Variants in TRAPPC9 observed in about 807,000 individuals in gnomAD.
The protein encoded by TRAPPC9 is IKK2 binding protein.
A neutral mutation model predicts 124.0 loss-of-function variants in TRAPPC9; 83 were observed. The ratio of observed to expected loss-of-function variants is 0.67; its 90% CI spans 0.56 to 0.80. The LOEUF (loss-of-function observed/expected upper bound fraction) is 0.80. Among genes scored for constraint, TRAPPC9 ranks in the 30% least tolerant of loss-of-function variants. The pLI, the probability that TRAPPC9 is intolerant of heterozygous loss-of-function variation, is 0.00. For synonymous variants in TRAPPC9, 638 were observed against 617.5 expected, an observed-to-expected ratio of 1.03 and a Z score of -0.49; for missense variants, 1,302 against 1,508.3, an observed-to-expected ratio of 0.86 and a Z score of 2.27.
At chr8:139,773,431 G>A (rs1007977676) in intron 21 of TRAPPC9, among the ~76,000 whole-genome samples, 6 of 152,244 alleles carry the variant, frequency 3.9e-5, no homozygotes, top group Admixed American at 3.9e-4. Context: ...ACGGCACTGG[G>A]TGGGGGAATC....
intron 21 of TRAPPC9, among the ~76,000 whole-genome samples, chr8:139,823,119 C>G (rs1466293424): frequency 6.6e-6 from 1 of 152,192 alleles, no homozygotes; most frequent in Non-Finnish European, 1.5e-5. Context: ...TTTCCACATA[C>G]AACCACACTG....
intron 17 of TRAPPC9, among the ~76,000 whole-genome samples, chr8:140,152,355 C>CTT (rs34124150): frequency 0.047 from 4,368 of 93,800 alleles, 233 homozygotes; most frequent in African/African-American, 0.061. Context: ...ATATTGCCAT[C>CTT]TTTTTTTTTT....
Position 140,397,837 on chromosome 8 carries a change from CA to C in TRAPPC9, c.1009-93del, listed in dbSNP as rs1211618038. 172 of 1,531,794 alleles carry C rather than the reference CA, an allele frequency of 1.1e-4. 2 individuals are homozygous for C. In the South Asian group the frequency reaches 1.8e-3, roughly 16 times the overall value. The allele number at this position is 1,531,794 out of a possible 1,614,324, so 94.9% of individuals were successfully genotyped here. A position where few individuals can be genotyped will look rare whatever the true frequency, so the allele number is the denominator to read the frequency against. ...CTGTGCTACTGGGACTCAATAACTA[CA>C]ACAGCACTTCCCCCATCACAGGGCT... On this transcript the variant is annotated intron_variant, in intron 6 of 22. Coordinates refer to ENST00000438773, the MANE Select transcript of TRAPPC9 (RefSeq NM_001160372.4).
intron 17 of TRAPPC9, among the ~76,000 whole-genome samples, chr8:140,080,601 G>T (rs10046672): frequency 0.4 from 60,586 of 151,994 alleles, 13,907 homozygotes; most frequent in Middle Eastern, 0.55. Flanking sequence ...CCATGACAGC[G>T]AGAACTCTCT....
chr8:140,015,887 C>T (rs1392483474), intron 18 of TRAPPC9, among the ~76,000 whole-genome samples: 2 of 152,196 alleles, frequency 1.3e-5, no homozygotes, highest in East Asian at 1.9e-4. Flanking sequence ...ATTTTACATC[C>T]TGTCATTCCT....
At chr8:139,807,019 C>A (rs1207550604) in intron 21 of TRAPPC9, among the ~76,000 whole-genome samples, 3 of 152,216 alleles carry the variant, frequency 2.0e-5, no homozygotes, top group Non-Finnish European at 4.4e-5. Context: ...GCCCTCGAGA[C>A]ACCTTCAGCC....
At chr8:140,340,976 C>G (rs1319031588) in intron 9 of TRAPPC9, among the ~76,000 whole-genome samples, 1 of 152,114 alleles carries the variant, frequency 6.6e-6, no homozygotes, top group African/African-American at 2.4e-5. Flanking sequence ...AGAACAGGTT[C>G]TTTATATACA....
chr8:140,348,745 G>C lies in TRAPPC9; in HGVS notation c.1495+11305C>G, dbSNP rs140987488. Among the ~76,000 whole-genome samples the C allele has an allele frequency of 3.7e-4, 57 of 152,286 alleles. 1 individual carries two copies. Among genetic ancestry groups the C allele is most frequent in the African/African-American group, 1.3e-3 (56 of 41,556 alleles). ...TGTTCTAAAACTGACTGTGGTGATA[G>C]GTGCACATATCTGTGAACATGCCAA... On this transcript the variant is annotated intron_variant, in intron 9 of 22. Coordinates refer to ENST00000438773, the MANE Select transcript of TRAPPC9 (RefSeq NM_001160372.4).
chr8:139,847,939 G>A (rs1172349224), intron 21 of TRAPPC9, among the ~76,000 whole-genome samples: 9 of 152,212 alleles, frequency 5.9e-5, no homozygotes, highest in Admixed American at 5.9e-4. Context: ...TGCCGCCTCT[G>A]CCTGTGCCCT....
chr8:140,246,043 GAATA>G (rs982004077), intron 16 of TRAPPC9, among the ~76,000 whole-genome samples: 2 of 152,154 alleles, frequency 1.3e-5, no homozygotes, highest in African/African-American at 4.8e-5. Flanking sequence ...TGAAAAGGCA[GAATA>G]AATACTCATT....
At chr8:139,829,695 T>C (rs1382491213) in intron 21 of TRAPPC9, among the ~76,000 whole-genome samples, 2 of 152,138 alleles carry the variant, frequency 1.3e-5, no homozygotes, top group African/African-American at 4.8e-5. Context: ...TGATCCCAAA[T>C]ATTGTAACAC....
chr8:140,086,352 G>T (rs1844184028), intron 17 of TRAPPC9, among the ~76,000 whole-genome samples: 1 of 152,174 alleles, frequency 6.6e-6, no homozygotes, highest in Admixed American at 6.5e-5. Context: ...GGTAGAAATG[G>T]AAGGGGAGCA....
chr8:139,995,855 C>A (rs71514660), intron 18 of TRAPPC9, among the ~76,000 whole-genome samples: 1 of 128,408 alleles, frequency 7.8e-6, no homozygotes, highest in Non-Finnish European at 1.6e-5. Context: ...AAAAGGTACT[C>A]TGCATTAAAA....
chr8:140,304,792 A>T (rs1020988349), intron 10 of TRAPPC9, among the ~76,000 whole-genome samples: 2 of 152,124 alleles, frequency 1.3e-5, no homozygotes, highest in African/African-American at 4.8e-5. Flanking sequence ...TTCATGAAAG[A>T]GTGTGTGATG....
Position 140,450,938 on chromosome 8 carries a change from T to C in TRAPPC9, c.436A>G (p.Lys146Glu). 3 of 1,614,088 alleles carry C rather than the reference T, an allele frequency of 1.9e-6. No individual in the cohort carries two copies. The highest frequency in any genetic ancestry group is 2.5e-6 in the Non-Finnish European group (3 of 1,180,008). ...GACTCGATGAAGTCCTCGATTCTCT[T>C]CTCCACCGTCTGGCAGTCCTCGTAG... ...PNYEDCQTVE[K>E]RIEDFIESLF... The change falls in exon 2 of 23, where the codon AAG (lysine) becomes GAG (glutamate). Residue 146 changes from lysine (K) to glutamate (E), a missense_variant. This residue lies in a region of TRAPPC9 where 657 missense variants were observed against 811.2 expected (regional missense o/e 0.81). Transcript: ENST00000438773.
chr8:140,450,721 A>C, intron 2 of TRAPPC9, 69 bp downstream of exon 2: 1 of 1,223,722 alleles, frequency 8.2e-7, no homozygotes, highest in Non-Finnish European at 1.2e-6. Context: ...GCTGCAATGA[A>C]ATTCTGCCCT....
chr8:140,387,123 G>C (rs2068775572), intron 7 of TRAPPC9, among the ~76,000 whole-genome samples: 1 of 152,146 alleles, frequency 6.6e-6, no homozygotes, highest in South Asian at 2.1e-4. Flanking sequence ...TATTTAGAAA[G>C]CTGAAACTGG....
intron 21 of TRAPPC9, among the ~76,000 whole-genome samples, chr8:139,789,625 G>A (rs890891169): frequency 2.0e-5 from 3 of 152,144 alleles, no homozygotes; most frequent in Non-Finnish European, 4.4e-5. Context: ...AGTGCTGGGG[G>A]GACACCCAGA....
intron 1 of TRAPPC9, chr8:140,456,768 G>A (rs781419587): frequency 1.8e-5 from 18 of 984,718 alleles, no homozygotes; most frequent in Non-Finnish European, 2.2e-5. Context: ...CTGGGGCCGT[G>A]AGGGATGGAA....
Sources: gnomAD v4.1 joint callset for allele counts (sites outside exome capture counted in the v4.1 genomes callset) on GRCh38, gnomAD v4.1.1 for gene constraint, gnomAD v4.1.1 regional missense constraint, MANE v1.5 for transcripts, NCBI Gene and HGNC (gene_info 2026-07-23, HGNC 2026-07-21) for gene names.